Variants in WASHC5 observed in about 807,000 individuals in gnomAD.
The protein encoded by WASHC5 is WASH complex subunit 5.
Under a neutral mutation model 150.4 loss-of-function variants are expected in WASHC5, and 101 were observed. That is an observed-to-expected ratio of 0.67 (90% CI 0.57 to 0.79). The LOEUF (loss-of-function observed/expected upper bound fraction) is 0.79, where lower values mean the gene tolerates loss of function less well. Among genes scored for constraint, WASHC5 ranks in the 30% least tolerant of loss-of-function variants. The probability of loss-of-function intolerance (pLI) is 0.00; values close to 1 mark genes in which losing one functional copy is unlikely to be tolerated. For synonymous variants in WASHC5, 467 were observed against 491.2 expected (o/e 0.95, Z 0.65); for missense variants, 1,195 against 1,396.3 (o/e 0.86, Z 2.30).
At position 125,044,542 on chromosome 8, in the gene WASHC5, C is replaced by G; in HGVS notation, c.2661G>C (p.Glu887Asp). Residue 887 changes from glutamate to aspartate, a missense_variant, in exon 21 of 29, where the codon GAG becomes GAC. Physicochemically the swap from Glu to Asp is conservative, Grantham distance 45. Around this residue, in one of 3 missense-constraint regions of WASHC5, gnomAD observed 997 missense variants for 1,168.1 expected, o/e 0.85. Transcript: ENST00000318410. ...TGAAAGTCAAAAGGCTCACCTGTAA[C>G]TCTTTTACAATCATAAAGCACAGAA... is the stretch of plus-strand genomic sequence containing the variant. ...DRLLCFMIVK[E>D]LQNFLSMFQK... is the part of the protein sequence containing the mutation. 2 of 1,613,978 alleles carry G rather than the reference C, an allele frequency of 1.2e-6. No homozygotes were observed. The highest frequency in any genetic ancestry group is 1.1e-5 in the South Asian group (1 of 91,088).
chr8:125,044,839 C>T lies in WASHC5; in HGVS notation c.2505-141G>A, dbSNP rs150743563. 5.2e-5 allele frequency: 45 copies of T among 867,010 alleles called. No homozygotes were observed. The African/African-American group carries it at 7.2e-4, about 14-fold the overall frequency. 53.7% of individuals were successfully genotyped at this position (867,010 alleles called of 1,614,324 possible). A position where few individuals can be genotyped will look rare whatever the true frequency, so the allele number is the denominator to read the frequency against. ...GTGTTTTCTAACCTCTGTATTCAGG[C>T]ACCCAATGCGTCTTCCCAGTGACAC... On this transcript the variant is annotated intron_variant, in intron 20 of 28. Transcript: ENST00000318410.
Position 125,083,836 on chromosome 8 carries a change from A to G in WASHC5, c.63T>C (p.Cys21=). 6.2e-7 allele frequency: 1 copy of G among 1,614,098 alleles called. No individual in the cohort carries two copies. ...CGQAILRIVS[C]GNAIIAELLR... ...AAAGTTCAGCAATGATGGCATTACC[A>G]CAGGAAACAATCCTTAGGATTGCTT... The change falls in exon 2 of 29, where the codon TGT becomes TGC. Residue 21 remains cysteine (C), a synonymous_variant. Coordinates refer to ENST00000318410, the MANE Select transcript of WASHC5 (RefSeq NM_014846.4).
rs190930509 is a variant in WASHC5 at position 125,065,837 on chromosome 8, G to A, written c.1278+1755C>T. ...TTGCTATGTTGGCCAGACTGGTCTC[G>A]AACTCCTGACCTCAGGTGATCCACC... On this transcript the variant is annotated intron_variant, in intron 10 of 28. Coordinates refer to ENST00000318410, the MANE Select transcript of WASHC5 (RefSeq NM_014846.4). 7.5e-3 allele frequency among the ~76,000 whole-genome samples: 1,144 copies of A among 152,118 alleles called. 46 individuals are homozygous for A. Among genetic ancestry groups the A allele is most frequent in the Admixed American group, 0.064 (973 of 15,268 alleles).
chr8:125,047,440 G>T, intron 19 of WASHC5, 109 bp from the exon 20 acceptor site: 1 of 1,200,488 alleles, frequency 8.3e-7, no homozygotes, highest in Non-Finnish European at 1.2e-6. Flanking sequence ...TGACAATAAA[G>T]GTTGTTTTTT....
At position 125,047,284 on chromosome 8, in the gene WASHC5, G is replaced by A. The variant is rs1479033446; in HGVS notation, c.2427C>T (p.Pro809=). The change falls in exon 20 of 29, where the codon CCC becomes CCT. Residue 809 remains proline (P), a synonymous_variant. Transcript: ENST00000318410. ...SMYQSTHIPI[P]KFTPVDESVT... ...CAGACTCATCCACAGGGGTAAACTT[G>A]GGTATTGGAATATGAGTGGACTGGT... 6.2e-6 allele frequency: 10 copies of A among 1,613,816 alleles called. No homozygotes were observed. The highest frequency in any genetic ancestry group is 2.2e-5 in the East Asian group (1 of 44,886).
At chr8:125,043,468 C>T (rs192520073) in intron 23 of WASHC5, among the ~76,000 whole-genome samples, 2 of 152,294 alleles carry the variant, frequency 1.3e-5, no homozygotes, top group East Asian at 3.9e-4. Context: ...CTAACAGCAG[C>T]TTGGAGCAGA....
intron 9 of WASHC5, among the ~76,000 whole-genome samples, chr8:125,071,086 G>A (rs1444938055): frequency 6.6e-6 from 1 of 152,216 alleles, no homozygotes; most frequent in Non-Finnish European, 1.5e-5. Context: ...AAGAAGTGCT[G>A]CACACAGTGC....
intron 26 of WASHC5, among the ~76,000 whole-genome samples, chr8:125,036,327 A>G (rs1473655964): frequency 6.6e-6 from 1 of 152,216 alleles, no homozygotes; most frequent in Non-Finnish European, 1.5e-5. Flanking sequence ...ACATTCTACA[A>G]GCTGGACAAT....
chr8:125,055,587 T>A lies in WASHC5; in HGVS notation c.2097+4A>T. The A allele has an allele frequency of 6.3e-7, 1 of 1,591,178 alleles. No individual in the cohort carries two copies. The highest frequency in any genetic ancestry group is 8.6e-7 in the Non-Finnish European group (1 of 1,159,076). ...GAGGCCACGCAGACTAACAAAACTG[T>A]TACCTTGATGATGCCAACCAAAGTC... On this transcript the variant is annotated splice_donor_region_variant and intron_variant, in intron 17 of 28. Transcript: ENST00000318410.
chr8:125,049,130 T>C lies in WASHC5; in HGVS notation c.2255A>G (p.His752Arg). 1.9e-6 allele frequency: 3 copies of C among 1,614,126 alleles called. No homozygotes were observed. The highest frequency in any genetic ancestry group is 2.5e-6 in the Non-Finnish European group (3 of 1,180,002). ...GTCCTGTATGTATTCAAAAGAACGATGGAATCCATCCATGGTCGCTCCCAA... is the reference window on the plus strand; with the variant it reads ...GTCCTGTATGTATTCAAAAGAACGACGGAATCCATCCATGGTCGCTCCCAA... Reference protein sequence around the residue: ...KELGATMDGFHRSFEYIQDYV... With the variant: ...KELGATMDGFRRSFEYIQDYV... The change falls in exon 19 of 29, where the codon CAT becomes CGT. Residue 752 changes from histidine to arginine, a missense_variant. Coordinates refer to ENST00000318410, the MANE Select transcript of WASHC5 (RefSeq NM_014846.4).
chr8:125,079,682 G>T (rs1817191794), intron 5 of WASHC5, among the ~76,000 whole-genome samples: 1 of 152,118 alleles, frequency 6.6e-6, no homozygotes. Context: ...GGCATCTCAT[G>T]ATCAACATAA....
intron 19 of WASHC5, 118 bp from the exon 20 acceptor site, chr8:125,047,449 T>C: frequency 9.3e-7 from 1 of 1,073,976 alleles, no homozygotes; most frequent in Non-Finnish European, 1.4e-6. Flanking sequence ...AGGTTGTTTT[T>C]TTTTTTTAGA....
At chr8:125,044,771 G>T in intron 20 of WASHC5, 73 bp from the exon 21 acceptor site, 1 of 1,430,614 alleles carries the variant, frequency 7.0e-7, no homozygotes, top group Non-Finnish European at 9.8e-7. Context: ...GGACTCAACA[G>T]GACATGCGGC....
intron 9 of WASHC5, among the ~76,000 whole-genome samples, chr8:125,069,335 C>G (rs938942145): frequency 2.0e-5 from 3 of 152,222 alleles, no homozygotes; most frequent in Non-Finnish European, 2.9e-5. Context: ...ACATTTCCTA[C>G]TCTGTGGTAT....
intron 10 of WASHC5, among the ~76,000 whole-genome samples, chr8:125,064,262 G>A (rs948709272): frequency 6.6e-6 from 1 of 152,058 alleles, no homozygotes; most frequent in Non-Finnish European, 1.5e-5. Flanking sequence ...GAGTGCAGTG[G>A]GGTGATCATG....
chr8:125,077,095 T>A (rs1362528112), intron 6 of WASHC5, among the ~76,000 whole-genome samples: 1 of 152,184 alleles, frequency 6.6e-6, no homozygotes, highest in Non-Finnish European at 1.5e-5. Context: ...ATGTTGGTGT[T>A]CCCCAGGGGT....
chr8:125,049,093 A>C lies in WASHC5; in HGVS notation c.2292T>G (p.Ile764Met). The C allele has an allele frequency of 6.2e-7, 1 of 1,613,970 alleles. No homozygotes were observed. Among genetic ancestry groups the C allele is most frequent in the Admixed American group, 1.7e-5 (1 of 60,012 alleles). The change falls in exon 19 of 29, where the codon ATT becomes ATG. Residue 764 changes from isoleucine (I) to methionine (M), a missense_variant. Around this residue, in one of 3 missense-constraint regions of WASHC5, gnomAD observed 997 missense variants for 1,168.1 expected, o/e 0.85. Coordinates refer to ENST00000318410, the MANE Select transcript of WASHC5 (RefSeq NM_014846.4). ...CTTCCTGCCAAATCTTCAGACCATA[A>C]ATGTTGACATAGTCCTGTATGTATT... ...SFEYIQDYVN[I>M]YGLKIWQEEV... is the part of the protein sequence containing the mutation.
In WASHC5 at chr8:125,057,686, T is replaced by C. The variant is rs770836843; in HGVS notation, c.1765-20A>G. 3 of 1,439,098 alleles carry C rather than the reference T, an allele frequency of 2.1e-6. No homozygotes were observed. The highest frequency in any genetic ancestry group is 2.8e-5 in the African/African-American group (2 of 71,440). The allele number at this position is 1,439,098 out of a possible 1,614,324, so 89.1% of individuals were successfully genotyped here. ...GGCAAGCTGGAAGAAAAATAAGGTA[T>C]ATCTGTTTCTTGTTTCAAAAAGAGT... On this transcript the variant is annotated intron_variant, in intron 14 of 28. Transcript: ENST00000318410.
Position 125,083,776 on chromosome 8 carries a change from C to A in WASHC5, c.123G>T (p.Arg41Ser), listed in dbSNP as rs1394357211. Residue 41 changes from arginine (R) to serine (S), a missense_variant, in exon 2 of 29, where the codon AGG becomes AGT. Physicochemically the swap from Arg to Ser is moderately radical, Grantham distance 110. Around this residue, in one of 3 missense-constraint regions of WASHC5, gnomAD observed 195 missense variants for 206.9 expected, o/e 0.94. Transcript: ENST00000318410. The stretch of plus-strand genomic sequence containing the variant: ...TCTGTTGATCAGCTCTGTCTTTTAA[C>A]CTGAACACAGCAGGAATAAACTCAG... ...RLSEFIPAVFRLKDRADQQKY... is the reference protein window; with the variant it reads ...RLSEFIPAVFSLKDRADQQKY... 2 of 1,613,890 alleles carry A rather than the reference C, an allele frequency of 1.2e-6. No homozygotes were observed. Among genetic ancestry groups the A allele is most frequent in the Non-Finnish European group, 1.7e-6 (2 of 1,179,852 alleles).
Sources: allele counts gnomAD v4.1 joint callset (sites outside exome capture counted in the v4.1 genomes callset), GRCh38; gene constraint gnomAD v4.1.1; regional missense constraint gnomAD v4.1.1; transcripts MANE v1.5; gene names NCBI Gene and HGNC (gene_info 2026-07-23, HGNC 2026-07-21).